The following SPTB variants were observed in gnomAD, a reference collection of about 807,000 sequenced individuals.
The protein encoded by SPTB is spectrin beta chain, erythrocytic.
In SPTB, 45 loss-of-function variants were observed where a neutral mutation model predicts 256.2. The ratio of observed to expected loss-of-function variants is 0.18; its 90% confidence interval spans 0.14 to 0.23. SPTB has a LOEUF of 0.23. Ranked by LOEUF, SPTB falls within the 10% of genes least tolerant of loss-of-function variation. SPTB has a pLI of 1.00. For synonymous variants in SPTB, 1,231 were observed against 1,243.1 expected (o/e 0.99, Z 0.21); for missense variants, 2,715 against 3,040.4 (o/e 0.89, Z 2.52).
rs191785473 is a variant in SPTB, at chr14:64,772,146, G to A, written c.5553+434C>T. ...AGGGTCTGAGCCCTGGCTCCACTTC[G>A]TACCTACATGTTCCTGGGAAACTTA... On this transcript the variant is annotated intron_variant, in intron 26 of 35. Transcript: ENST00000644917. This position sits in a 1 kb window ranked among gnomAD's most constrained non-coding sequence, Gnocchi z 5.4. Among the ~76,000 whole-genome samples, 97 of 152,272 alleles carry A rather than the reference G, an allele frequency of 6.4e-4. No homozygotes were observed. Among genetic ancestry groups the A allele is most frequent in the Middle Eastern group, 6.8e-3 (2 of 294 alleles).
At chr14:64,817,389 T>C (rs1408811099) in intron 2 of SPTB, among the ~76,000 whole-genome samples, 1 of 152,256 alleles carries the variant, frequency 6.6e-6, no homozygotes, top group African/African-American at 2.4e-5. Context: ...GTGGATAGTA[T>C]ATTTTCCCAA....
At chr14:64,843,732 C>T (rs997989525) in intron 1 of SPTB, among the ~76,000 whole-genome samples, 3 of 152,184 alleles carry the variant, frequency 2.0e-5, no homozygotes, top group Non-Finnish European at 2.9e-5. Context: ...TGTGAACAGA[C>T]GGGAATGCTG....
chr14:64,767,946 C>T, intron 29 of SPTB, 87 bp from the exon 30 acceptor site: 1 of 1,503,832 alleles, frequency 6.6e-7, no homozygotes, highest in South Asian at 1.2e-5. Flanking sequence ...GGCCAGTGGT[C>T]AGGCAGGTGG....
At position 64,802,183 on chromosome 14, in the gene SPTB, G is replaced by A; in HGVS notation, c.566+43C>T. On this transcript the variant is annotated intron_variant, in intron 5 of 35. Transcript: ENST00000644917. The surrounding 1 kb of genome is among the most constrained non-coding windows in gnomAD (Gnocchi z 5.1). ...GATGGCAGTGCTTGTGCGGAGCAAG[G>A]GGCTGGTGGTGGATGTGCTAACAGC... The A allele has an allele frequency of 2.5e-6, 4 of 1,578,704 alleles. No homozygotes were observed. In the South Asian group the frequency reaches 4.4e-5, roughly 17 times the overall value.
chr14:64,871,035 C>A (rs1042575738), intron 1 of SPTB, among the ~76,000 whole-genome samples: 7 of 152,086 alleles, frequency 4.6e-5, no homozygotes, highest in Non-Finnish European at 1.0e-4. Flanking sequence ...TGTGCTTATG[C>A]CACTGAACTG....
Position 64,827,208 on chromosome 14 carries a change from C to T in SPTB, c.-51-4063G>A, listed in dbSNP as rs2083388644. On this transcript the variant is annotated intron_variant, in intron 1 of 35. Coordinates refer to ENST00000644917, the MANE Select transcript of SPTB (RefSeq NM_001355436.2). The surrounding 1 kb of genome is among the most constrained non-coding windows in gnomAD (Gnocchi z 4.6). ...AGAAGAGGCAGCTGTTCTCTTTTCTCCATCCTCTAGTCCCCCAACAAAGTA... is the reference window on the plus strand; with the variant it reads ...AGAAGAGGCAGCTGTTCTCTTTTCTTCATCCTCTAGTCCCCCAACAAAGTA... Among the ~76,000 whole-genome samples, 1 of 152,178 alleles carries T rather than the reference C, an allele frequency of 6.6e-6. No individual in the cohort carries two copies. Among genetic ancestry groups the T allele is most frequent in the Admixed American group, 6.5e-5 (1 of 15,282 alleles).
chr14:64,761,644 G>C (rs1032514506), intron 32 of SPTB, among the ~76,000 whole-genome samples: 4 of 152,194 alleles, frequency 2.6e-5, no homozygotes, highest in Non-Finnish European at 5.9e-5. Flanking sequence ...GTGTGCAGGG[G>C]AGGAGAAACC....
In SPTB at chr14:64,766,731, A is replaced by G; in HGVS notation, c.6340T>C (p.Ser2114Pro). Reference protein sequence around the residue: ...VSHHAATERTSPGEEEGTWPQ... With the variant: ...VSHHAATERTPPGEEEGTWPQ... The stretch of plus-strand genomic sequence containing the variant: ...AAACGAGACCAGAGACTGACCGGGG[A>G]CGTTCTCTCGGTGGCCGCATGGTGG... Residue 2114 changes from serine to proline, a missense_variant, in exon 32 of 36, where the codon TCC (serine) becomes CCC (proline). Ser to Pro is a moderately conservative substitution (Grantham distance 74). Around this residue, in one of 4 missense-constraint regions of SPTB, gnomAD observed 2,239 missense variants for 2,384.4 expected, o/e 0.94. Coordinates refer to ENST00000644917, the MANE Select transcript of SPTB (RefSeq NM_001355436.2). 1 of 1,613,060 alleles carries G rather than the reference A, an allele frequency of 6.2e-7. No individual in the cohort carries two copies. Among genetic ancestry groups the G allele is most frequent in the Non-Finnish European group, 8.5e-7 (1 of 1,179,842 alleles).
intron 2 of SPTB, among the ~76,000 whole-genome samples, chr14:64,812,193 C>G (rs545095319): frequency 6.6e-6 from 1 of 152,242 alleles, no homozygotes; most frequent in Non-Finnish European, 1.5e-5. Flanking sequence ...AGGTGATCTG[C>G]CTGCCTCGGC....
chr14:64,843,544 G>A (rs2083641075), intron 1 of SPTB, among the ~76,000 whole-genome samples: 4 of 152,096 alleles, frequency 2.6e-5, no homozygotes, highest in Admixed American at 2.6e-4. Flanking sequence ...CAGCCCCATC[G>A]CAGCTCCCTT....
At chr14:64,840,166 A>G (rs1328303522) in intron 1 of SPTB, among the ~76,000 whole-genome samples, 1 of 152,222 alleles carries the variant, frequency 6.6e-6, no homozygotes, top group Non-Finnish European at 1.5e-5. Context: ...AGTTTGTTAT[A>G]TACTCTGCTC....
intron 24 of SPTB, among the ~76,000 whole-genome samples, chr14:64,774,173 C>G (rs1363856546): frequency 6.6e-6 from 1 of 152,220 alleles, no homozygotes; most frequent in Non-Finnish European, 1.5e-5. Flanking sequence ...CTTCTCTGAT[C>G]ATTTCGAAAA....
Position 64,804,819 on chromosome 14 carries a change from CT to C in SPTB, c.300+119del, listed in dbSNP as rs777584549. On this transcript the variant is annotated intron_variant, in intron 3 of 35. Transcript: ENST00000644917. ...TGCTTCCCATTCTAAGTATTAGAGC[CT>C]CCCAAAGGAGCAGAGAGAAAACTGG... 7.9e-5 allele frequency: 103 copies of C among 1,304,180 alleles called. 1 individual carries two copies. The highest frequency in any genetic ancestry group is 2.8e-4 in the Admixed American group (16 of 56,966). 80.8% of individuals were successfully genotyped at this position (1,304,180 alleles called of 1,614,324 possible). A position where few individuals can be genotyped will look rare whatever the true frequency, so the allele number is the denominator to read the frequency against.
In SPTB at chr14:64,852,916, C is replaced by T. The variant is rs1347713711; in HGVS notation, c.-52+26876G>A. The stretch of plus-strand genomic sequence containing the variant: ...AAGACAAATAGCCAGTGAATTATTA[C>T]AAATAATTATAATTTACACATTGCA... On this transcript the variant is annotated intron_variant, in intron 1 of 35. Transcript: ENST00000644917. The surrounding 1 kb of genome is among the most constrained non-coding windows in gnomAD (Gnocchi z 4.2). 6.6e-6 allele frequency among the ~76,000 whole-genome samples: 1 copy of T among 152,150 alleles called. No homozygotes were observed. Among genetic ancestry groups the T allele is most frequent in the African/African-American group, 2.4e-5 (1 of 41,414 alleles).
At position 64,791,722 on chromosome 14, in the gene SPTB, G is replaced by T. The variant is rs1331593364; in HGVS notation, c.2801C>A (p.Thr934Asn). The T allele has an allele frequency of 5.0e-6, 8 of 1,614,118 alleles. No individual in the cohort carries two copies. The highest frequency in any genetic ancestry group is 1.6e-4 in the Middle Eastern group (1 of 6,062). Reference sequence around the variant, plus strand: ...CCATGCCCTACCCACACCCCACCTGGTGTTCAGATGGTCCTGGTACTGCTT... The same window carrying T: ...CCATGCCCTACCCACACCCCACCTGTTGTTCAGATGGTCCTGGTACTGCTT... ...EVKQYQDHLNTRWQAFQTLVS... is the reference protein window; with the variant it reads ...EVKQYQDHLNNRWQAFQTLVS... The change falls in exon 15 of 36, where the codon ACC becomes AAC. Residue 934 changes from threonine (T) to asparagine (N), a missense_variant. This residue lies in a region of SPTB where 2,239 missense variants were observed against 2,384.4 expected (regional missense o/e 0.94). Transcript: ENST00000644917.
chr14:64,864,029 C>A (rs72625638), intron 1 of SPTB, among the ~76,000 whole-genome samples: 7,645 of 152,276 alleles, frequency 0.05, 264 homozygotes, highest in Middle Eastern at 0.088. Context: ...CAAATAGAAG[C>A]AGAGTCTCAG....
rs2083395066 is a variant in SPTB at position 64,827,664 on chromosome 14, A to G, written c.-51-4519T>C. ...AAAGAATAGTCAAATACACAAAAAC[A>G]CATGTGCACACACTCACTAGAATGA... On this transcript the variant is annotated intron_variant, in intron 1 of 35. Coordinates refer to ENST00000644917, the MANE Select transcript of SPTB (RefSeq NM_001355436.2). This position sits in a 1 kb window ranked among gnomAD's most constrained non-coding sequence, Gnocchi z 4.6. Among the ~76,000 whole-genome samples the G allele has an allele frequency of 2.0e-5, 3 of 152,338 alleles. No individual in the cohort carries two copies. Among genetic ancestry groups the G allele is most frequent in the Admixed American group, 2.0e-4 (3 of 15,308 alleles).
In SPTB at chr14:64,790,459, C is replaced by T. The variant is rs994313656; in HGVS notation, c.2804+1260G>A. 6.6e-6 allele frequency among the ~76,000 whole-genome samples: 1 copy of T among 152,148 alleles called. No homozygotes were observed. Among genetic ancestry groups the T allele is most frequent in the Non-Finnish European group, 1.5e-5 (1 of 68,040 alleles). On this transcript the variant is annotated intron_variant, in intron 15 of 35. Transcript: ENST00000644917. This position sits in a 1 kb window ranked among gnomAD's most constrained non-coding sequence, Gnocchi z 4.8. Reference sequence around the variant, plus strand: ...ACACACAAACTCATTACCTACAAGGCGAAAGAAGAGGGAAGAGGTATTCTC... The same window carrying T: ...ACACACAAACTCATTACCTACAAGGTGAAAGAAGAGGGAAGAGGTATTCTC...
At chr14:64,799,105 TTGTGTG>T (rs3831896) in intron 9 of SPTB, among the ~76,000 whole-genome samples, 7 of 152,158 alleles carry the variant, frequency 4.6e-5, no homozygotes, top group African/African-American at 1.7e-4. Context: ...GAGTGCACGG[TTGTGTG>T]TGTATGTTTG....
Sources: allele counts gnomAD v4.1 joint callset (sites outside exome capture counted in the v4.1 genomes callset), GRCh38; gene constraint gnomAD v4.1.1; regional missense constraint gnomAD v4.1.1; non-coding constraint Gnocchi (gnomAD v3.1); transcripts MANE v1.5; gene names NCBI Gene and HGNC (gene_info 2026-07-23, HGNC 2026-07-21).